Variants in NEDD4 observed in about 807,000 individuals in gnomAD.
NEDD4 encodes the protein E3 ubiquitin-protein ligase NEDD4.
NEDD4 carries 99 observed loss-of-function variants against 144.9 expected under a neutral mutation model. The ratio of observed to expected loss-of-function variants is 0.68; its 90% CI spans 0.58 to 0.81. NEDD4 has a LOEUF of 0.81. Among genes scored for constraint, NEDD4 ranks in the 30% least tolerant of loss-of-function variants. NEDD4 has a pLI of 0.00. For missense variants in NEDD4, 985 were observed against 1,065.9 expected (o/e 0.92, Z 1.06); for synonymous variants, 318 against 350.6 (o/e 0.91, Z 1.04).
chr15:55,978,922 C>CAAAA (rs61198421), intron 1 of NEDD4, among the ~76,000 whole-genome samples: 2 of 128,860 alleles, frequency 1.6e-5, no homozygotes, highest in Admixed American at 7.8e-5. Flanking sequence ...CTTGACAACG[C>CAAAA]AAAAAAAAAA....
Position 55,838,955 on chromosome 15 carries a change from T to C in NEDD4, c.2032-351A>G, listed in dbSNP as rs375189652. Among the ~76,000 whole-genome samples, 12 of 152,308 alleles carry C rather than the reference T, an allele frequency of 7.9e-5. No homozygotes were observed. In the East Asian group the frequency reaches 2.1e-3, roughly 27 times the overall value. ...TCAGATAAAACCTAACTTCTCTGGA[T>C]ATCCAGGAGCACTTAGCACATTCCT... On this transcript the variant is annotated intron_variant, in intron 21 of 28. Coordinates refer to ENST00000435532, the MANE Select transcript of NEDD4 (RefSeq NM_006154.4).
At chr15:55,972,596 A>G (rs1463837542) in intron 1 of NEDD4, among the ~76,000 whole-genome samples, 3 of 152,334 alleles carry the variant, frequency 2.0e-5, no homozygotes, top group Admixed American at 2.0e-4. Flanking sequence ...AAGGAGCACA[A>G]AACAACCAGA....
chr15:55,982,592 T>C (rs560538906), intron 1 of NEDD4, among the ~76,000 whole-genome samples: 8 of 152,124 alleles, frequency 5.3e-5, no homozygotes, highest in Admixed American at 1.3e-4. Flanking sequence ...ACGGGCAGAA[T>C]TGACTGGAAG....
chr15:55,927,965 G>A (rs1268428303), intron 4 of NEDD4, among the ~76,000 whole-genome samples: 1 of 152,134 alleles, frequency 6.6e-6, no homozygotes, highest in African/African-American at 2.4e-5. Context: ...AAACTAATCT[G>A]CTGTCCTGGT....
chr15:55,838,531 A>G lies in NEDD4; in HGVS notation c.2105T>C (p.Ile702Thr), dbSNP rs750477308. Residue 702 changes from isoleucine to threonine, a missense_variant, in exon 22 of 29, where the codon ATA (isoleucine) becomes ACA (threonine). Ile to Thr is a moderately conservative substitution (Grantham distance 89). Coordinates refer to ENST00000435532, the MANE Select transcript of NEDD4 (RefSeq NM_006154.4). ...DPTELDLRFI[I>T]DEELFGQTHQ... ...AACCTGTCCAAAAAGTTCTTCATCTATGATAAACCTGAGGTCCAATTCTGT... is the reference window on the plus strand; with the variant it reads ...AACCTGTCCAAAAAGTTCTTCATCTGTGATAAACCTGAGGTCCAATTCTGT... The G allele has an allele frequency of 1.2e-6, 2 of 1,612,554 alleles. No individual in the cohort carries two copies. The highest frequency in any genetic ancestry group is 2.2e-5 in the South Asian group (2 of 91,030).
intron 7 of NEDD4, among the ~76,000 whole-genome samples, chr15:55,870,509 T>C (rs1214154640): frequency 3.0e-5 from 4 of 133,776 alleles, no homozygotes; most frequent in African/African-American, 8.7e-5. Context: ...TGCTGCTTTT[T>C]TTTTCTTCTT....
intron 2 of NEDD4, among the ~76,000 whole-genome samples, chr15:55,954,996 T>G (rs911914011): frequency 2.0e-5 from 3 of 152,188 alleles, no homozygotes; most frequent in African/African-American, 7.2e-5. Flanking sequence ...TGCATTGTAT[T>G]GCATTGCACT....
Position 55,903,834 on chromosome 15 carries a change from A to AAC in NEDD4, c.291+20811_291+20812insGT, listed in dbSNP as rs1474305524. ...AGTGAGACTCCATCTCAAAAAAAAAAAAAAAACACACATATATATATATAT... is the reference window on the plus strand; with the variant it reads ...AGTGAGACTCCATCTCAAAAAAAAAAACAAAAAACACACATATATATATATAT... On this transcript the variant is annotated intron_variant, in intron 5 of 28. Transcript: ENST00000435532. Among the ~76,000 whole-genome samples, 13 of 64,124 alleles carry AAC rather than the reference A, an allele frequency of 2.0e-4. No individual in the cohort carries two copies. In the East Asian group the frequency reaches 8.1e-3, roughly 40 times the overall value. 42.1% of individuals were successfully genotyped at this position (64,124 alleles called of 152,430 possible).
chr15:55,869,693 AAAAT>A lies in NEDD4; in HGVS notation c.405-16_405-13del, dbSNP rs752639358. On this transcript the variant is annotated splice_polypyrimidine_tract_variant and intron_variant, in intron 7 of 28. Coordinates refer to ENST00000435532, the MANE Select transcript of NEDD4 (RefSeq NM_006154.4). Reference sequence around the variant, plus strand: ...CTCTTGATTTGTGACTGTAGAAAAGAAAATAAATATTCATAAAACTTTAACACCG... The same window carrying A: ...CTCTTGATTTGTGACTGTAGAAAAGAAAATATTCATAAAACTTTAACACCG... 111 of 1,445,224 alleles carry A rather than the reference AAAAT, an allele frequency of 7.7e-5. No homozygotes were observed. The Admixed American group carries it at 2.2e-3, about 29-fold the overall frequency. 89.5% of individuals were successfully genotyped at this position (1,445,224 alleles called of 1,614,324 possible). A position where few individuals can be genotyped will look rare whatever the true frequency, so the allele number is the denominator to read the frequency against.
chr15:55,957,553 T>C (rs1384544718), intron 2 of NEDD4, among the ~76,000 whole-genome samples: 1 of 152,166 alleles, frequency 6.6e-6, no homozygotes, highest in African/African-American at 2.4e-5. Flanking sequence ...ATGACTGTCT[T>C]CTCAGTGTGG....
At chr15:55,886,288 T>C (rs1455594556) in intron 5 of NEDD4, among the ~76,000 whole-genome samples, 2 of 152,184 alleles carry the variant, frequency 1.3e-5, no homozygotes, top group East Asian at 3.9e-4. Flanking sequence ...ATTGGACAGA[T>C]ATCCGGACAG....
At position 55,860,857 on chromosome 15, in the gene NEDD4, A is replaced by G. The variant is rs992607750; in HGVS notation, c.675-79T>C. ...TGTCAAAGATTCTGTGATCATTGGGAAAAAAATCTACATTACATCAATAAA... is the reference window on the plus strand; with the variant it reads ...TGTCAAAGATTCTGTGATCATTGGGGAAAAAATCTACATTACATCAATAAA... On this transcript the variant is annotated intron_variant, in intron 9 of 28. Coordinates refer to ENST00000435532, the MANE Select transcript of NEDD4 (RefSeq NM_006154.4). The G allele has an allele frequency of 2.2e-5, 28 of 1,252,224 alleles. No individual in the cohort carries two copies. The African/African-American group carries it at 2.6e-4, about 11-fold the overall frequency. The allele number at this position is 1,252,224 out of a possible 1,614,324, so 77.6% of individuals were successfully genotyped here.
chr15:55,945,031 T>A (rs2037083078), intron 4 of NEDD4, among the ~76,000 whole-genome samples: 3 of 151,682 alleles, frequency 2.0e-5, no homozygotes, highest in South Asian at 2.1e-4. Flanking sequence ...AGATGAAAGG[T>A]AGATAAAACC....
chr15:55,892,137 C>T (rs1171527850), intron 5 of NEDD4, among the ~76,000 whole-genome samples: 1 of 151,620 alleles, frequency 6.6e-6, no homozygotes, highest in African/African-American at 2.4e-5. Context: ...GTGGTGGTGG[C>T]CACCTAGAAT....
intron 1 of NEDD4, among the ~76,000 whole-genome samples, chr15:55,970,363 C>T (rs2037587196): frequency 1.3e-5 from 2 of 152,290 alleles, no homozygotes; most frequent in Middle Eastern, 3.4e-3. Context: ...AAGAAAGACC[C>T]AGTCCTGGCA....
intron 1 of NEDD4, among the ~76,000 whole-genome samples, chr15:55,993,224 C>G (rs1435919171): frequency 6.6e-6 from 1 of 152,184 alleles, no homozygotes; most frequent in African/African-American, 2.4e-5. Context: ...ACCGCCTAGC[C>G]CCCTCCTCAA....
rs897288701 is a variant in NEDD4, at chr15:55,827,032, A to G, written c.*2865T>C. The G allele has an allele frequency of 6.6e-6, 1 of 152,218 alleles. No individual in the cohort carries two copies. Among genetic ancestry groups the G allele is most frequent in the Non-Finnish European group, 1.5e-5 (1 of 68,046 alleles). 9.4% of individuals were successfully genotyped at this position (152,218 alleles called of 1,614,324 possible). On this transcript the variant is annotated 3_prime_UTR_variant, in exon 29 of 29. Transcript: ENST00000435532. The stretch of plus-strand genomic sequence containing the variant: ...TTTTGATACATCAATCTTGATATAT[A>G]TATTTACTGTGTCAGAAGATTTTAA...
chr15:55,848,911 A>G, intron 14 of NEDD4, 25 bp from the exon 15 acceptor site: 2 of 1,545,530 alleles, frequency 1.3e-6, no homozygotes, highest in Admixed American at 1.7e-5. Flanking sequence ...TAAATAAAGA[A>G]CAATACACAC....
chr15:55,928,294 G>C (rs2036714116), intron 4 of NEDD4, among the ~76,000 whole-genome samples: 1 of 152,204 alleles, frequency 6.6e-6, no homozygotes, highest in South Asian at 2.1e-4. Context: ...TTACAGGCGT[G>C]AGCCATCACG....
Sources: gnomAD v4.1 joint callset for allele counts (sites outside exome capture counted in the v4.1 genomes callset) on GRCh38, gnomAD v4.1.1 for gene constraint, MANE v1.5 for transcripts, NCBI Gene and HGNC (gene_info 2026-07-23, HGNC 2026-07-21) for gene names.